GJB2: variants seen among roughly 807,000 people sequenced by gnomAD.
GJB2 encodes the protein gap junction beta-2 protein.
Under a neutral mutation model 16.0 loss-of-function variants are expected in GJB2, and 30 were observed. The ratio of observed to expected loss-of-function variants is 1.88; its 90% CI spans 1.41 to 2.55. The LOEUF is 2.55. Among genes scored for constraint, GJB2 ranks in the 30% most tolerant of loss-of-function variants. The pLI is 0.00. For missense variants in GJB2, 284 were observed against 289.7 expected, an observed-to-expected ratio of 0.98 and a Z score of 0.14; for synonymous variants, 123 against 119.1, an observed-to-expected ratio of 1.03 and a Z score of -0.21.
Position 20,188,678 on chromosome 13 carries a change from A to G in GJB2, c.*223T>C. 2 of 585,384 alleles carry G rather than the reference A, an allele frequency of 3.4e-6. No individual in the cohort carries two copies. Among genetic ancestry groups the G allele is most frequent in the South Asian group, 4.2e-5 (2 of 47,126 alleles). 36.3% of individuals were successfully genotyped at this position (585,384 alleles called of 1,614,324 possible). On this transcript the variant is annotated 3_prime_UTR_variant, in exon 2 of 2. Coordinates refer to ENST00000382848, the MANE Select transcript of GJB2 (RefSeq NM_004004.6). ...AACTAACTTAAGTGAAAGAAAATTA[A>G]GACAGGCATAGAATTAGGCCTTTGT...
Position 20,188,831 on chromosome 13 carries a change from G to T in GJB2, c.*70C>A. On this transcript the variant is annotated 3_prime_UTR_variant, in exon 2 of 2. Coordinates refer to ENST00000382848, the MANE Select transcript of GJB2 (RefSeq NM_004004.6). ...TGGGAAATGCTAGCGACTGAGCCTT[G>T]ACAGCTGAGCACGGGTTGCCTCATC... The T allele has an allele frequency of 1.6e-6, 2 of 1,235,196 alleles. No homozygotes were observed. The highest frequency in any genetic ancestry group is 2.4e-6 in the Non-Finnish European group (2 of 837,380). The allele number at this position is 1,235,196 out of a possible 1,614,324, so 76.5% of individuals were successfully genotyped here.
In GJB2 at chr13:20,189,073, T is replaced by C. The variant is rs1228054309; in HGVS notation, c.509A>G (p.Asn170Ser). The C allele has an allele frequency of 1.9e-6, 3 of 1,613,952 alleles. No homozygotes were observed. The highest frequency in any genetic ancestry group is 2.2e-5 in the East Asian group (1 of 44,888). Residue 170 changes from asparagine to serine, a missense_variant, in exon 2 of 2, where the codon AAC (asparagine) becomes AGC (serine). By Grantham distance (46) the Asn-to-Ser change is conservative. Coordinates refer to ENST00000382848, the MANE Select transcript of GJB2 (RefSeq NM_004004.6). ...CACAGTGTTGGGACAAGGCCAGGCG[T>C]TGCACTTCACCAGCCGCTGCATGGA... ...GFSMQRLVKC[N>S]AWPCPNTVDC...
Position 20,188,010 on chromosome 13 carries a change from GACAGGCCTGTCATTACAGGTAGT to G in GJB2, c.*868_*890del. ...AGTCATGGAAAAGGGAGATGTGTTGGACAGGCCTGTCATTACAGGTAGTAGTTGGTGGTACATCCAGTCTGTAT... is the reference window on the plus strand; with the variant it reads ...AGTCATGGAAAAGGGAGATGTGTTGGAGTTGGTGGTACATCCAGTCTGTAT... On this transcript the variant is annotated 3_prime_UTR_variant, in exon 2 of 2. Coordinates refer to ENST00000382848, the MANE Select transcript of GJB2 (RefSeq NM_004004.6). The G allele has an allele frequency of 6.6e-6, 1 of 152,182 alleles. No homozygotes were observed. The highest frequency in any genetic ancestry group is 1.5e-5 in the Non-Finnish European group (1 of 68,034). 9.4% of individuals were successfully genotyped at this position (152,182 alleles called of 1,614,324 possible).
chr13:20,189,118 T>C lies in GJB2; in HGVS notation c.464A>G (p.Tyr155Cys), dbSNP rs776335807. 4 of 1,614,114 alleles carry C rather than the reference T, an allele frequency of 2.5e-6. No homozygotes were observed. The East Asian group carries it at 8.9e-5, about 36-fold the overall frequency. The change falls in exon 2 of 2, where the codon TAT (tyrosine) becomes TGT (cysteine). Residue 155 changes from tyrosine to cysteine, a missense_variant. Physicochemically the swap from Tyr to Cys is radical, Grantham distance 194. Coordinates refer to ENST00000382848, the MANE Select transcript of GJB2 (RefSeq NM_004004.6). ...CATGGAGAAGCCGTCGTACATGACA[T>C]AGAAGACGTACATGAAGGCGGCTTC... is the stretch of plus-strand genomic sequence containing the variant. ...IFEAAFMYVFYVMYDGFSMQR... is the reference protein window; with the variant it reads ...IFEAAFMYVFCVMYDGFSMQR...
intron 1 of GJB2, among the ~76,000 whole-genome samples, chr13:20,190,399 G>C (rs555366806): frequency 3.3e-5 from 5 of 152,296 alleles, no homozygotes; most frequent in African/African-American, 1.2e-4. Flanking sequence ...GGCACTGATG[G>C]CTCAGTTAGC....
chr13:20,188,400 T>G lies in GJB2; in HGVS notation c.*501A>C, dbSNP rs1593350493. 3 of 157,222 alleles carry G rather than the reference T, an allele frequency of 1.9e-5. No individual in the cohort carries two copies. The highest frequency in any genetic ancestry group is 1.9e-4 in the Admixed American group (3 of 16,134). 9.7% of individuals were successfully genotyped at this position (157,222 alleles called of 1,614,324 possible). Reference sequence around the variant, plus strand: ...CACTTCCAAAAAGTGTAACAGAGTTTAAGGCACTGGTAACTTTGTCCACTG... The same window carrying G: ...CACTTCCAAAAAGTGTAACAGAGTTGAAGGCACTGGTAACTTTGTCCACTG... On this transcript the variant is annotated 3_prime_UTR_variant, in exon 2 of 2. Transcript: ENST00000382848.
chr13:20,192,249 G>C (rs559591245), intron 1 of GJB2, among the ~76,000 whole-genome samples: 1 of 152,342 alleles, frequency 6.6e-6, no homozygotes, highest in South Asian at 2.1e-4. Context: ...GGCCGGGATC[G>C]GCTGGCTCCG....
Position 20,189,836 on chromosome 13 carries a change from G to C in GJB2, c.-22-233C>G, listed in dbSNP as rs1959066165. The C allele has an allele frequency of 7.1e-6, 4 of 562,686 alleles. No individual in the cohort carries two copies. The East Asian group carries it at 1.3e-4, about 18-fold the overall frequency. The allele number at this position is 562,686 out of a possible 1,614,324, so 34.9% of individuals were successfully genotyped here. The stretch of plus-strand genomic sequence containing the variant: ...TTTAGGTGTTCTCTGATAAAAAGTA[G>C]CTTGTTCACCTGAGTAATTCACCCA... On this transcript the variant is annotated intron_variant, in intron 1 of 1. Coordinates refer to ENST00000382848, the MANE Select transcript of GJB2 (RefSeq NM_004004.6).
chr13:20,188,033 T>C lies in GJB2; in HGVS notation c.*868A>G, dbSNP rs535474422. ...TGGACAGGCCTGTCATTACAGGTAG[T>C]AGTTGGTGGTACATCCAGTCTGTAT... is the stretch of plus-strand genomic sequence containing the variant. On this transcript the variant is annotated 3_prime_UTR_variant, in exon 2 of 2. Transcript: ENST00000382848. The C allele has an allele frequency of 6.6e-6, 1 of 152,220 alleles. No individual in the cohort carries two copies. The highest frequency in any genetic ancestry group is 1.5e-5 in the Non-Finnish European group (1 of 68,040). 9.4% of individuals were successfully genotyped at this position (152,220 alleles called of 1,614,324 possible).
Sources: allele counts gnomAD v4.1 joint callset (sites outside exome capture counted in the v4.1 genomes callset), GRCh38; gene constraint gnomAD v4.1.1; transcripts MANE v1.5; gene names NCBI Gene and HGNC (gene_info 2026-07-23, HGNC 2026-07-21).